Variants in PI15 observed in about 807,000 individuals in gnomAD.
The protein encoded by PI15 is 25 kDa trypsin inhibitor.
In PI15, 18 loss-of-function variants were observed where a neutral mutation model predicts 31.0. The observed-to-expected ratio is 0.58, with a 90% confidence interval of 0.40 to 0.86. PI15 has a LOEUF of 0.86. Ranked by LOEUF, PI15 falls within the 40% of genes least tolerant of loss-of-function variation. The pLI is 0.00. For missense variants in PI15, 282 were observed against 328.1 expected (o/e 0.86, Z 1.09); for synonymous variants, 118 against 119.1 (o/e 0.99, Z 0.06).
rs566967638 is a variant in PI15, at chr8:74,853,542, T to A, written c.*4289T>A. 4 of 152,620 alleles carry A rather than the reference T, an allele frequency of 2.6e-5. No individual in the cohort carries two copies. The highest frequency in any genetic ancestry group is 9.6e-5 in the African/African-American group (4 of 41,564). The allele number at this position is 152,620 out of a possible 1,614,324, so 9.5% of individuals were successfully genotyped here. On this transcript the variant is annotated 3_prime_UTR_variant, in exon 6 of 6. Transcript: ENST00000260113. ...GCAATGTCCAAAGTCAAATATCACC[T>A]AAACTGGTTAGATTACTTCTACAGC...
intron 2 of PI15, among the ~76,000 whole-genome samples, chr8:74,826,730 T>A (rs16938967): frequency 0.017 from 2,553 of 152,204 alleles, 65 homozygotes; most frequent in African/African-American, 0.059. Flanking sequence ...ATTACCACAC[T>A]GTTTCATTTT....
rs1327388580 is a variant in PI15, at chr8:74,853,909, A to G, written c.*4656A>G. On this transcript the variant is annotated 3_prime_UTR_variant, in exon 6 of 6. Coordinates refer to ENST00000260113, the MANE Select transcript of PI15 (RefSeq NM_015886.5). ...TTTAGTTAGCTTTATAAACACAATT[A>G]GAATTACAATTAATTAACAGAGGTA... The G allele has an allele frequency of 6.6e-6, 1 of 152,050 alleles. No individual in the cohort carries two copies. Among genetic ancestry groups the G allele is most frequent in the Non-Finnish European group, 1.5e-5 (1 of 67,926 alleles). The allele number at this position is 152,050 out of a possible 1,614,324, so 9.4% of individuals were successfully genotyped here.
intron 2 of PI15, among the ~76,000 whole-genome samples, chr8:74,827,969 C>T (rs1451343913): frequency 6.6e-6 from 1 of 152,116 alleles, no homozygotes; most frequent in Non-Finnish European, 1.5e-5. Flanking sequence ...CATGTAAATA[C>T]TGTGCATACA....
At chr8:74,830,504 G>T (rs1810766243) in intron 2 of PI15, among the ~76,000 whole-genome samples, 1 of 152,210 alleles carries the variant, frequency 6.6e-6, no homozygotes, top group East Asian at 1.9e-4. Flanking sequence ...ATGGAGAACA[G>T]ATTAATCCAT....
At chr8:74,828,437 T>G (rs541206937) in intron 2 of PI15, among the ~76,000 whole-genome samples, 3 of 152,228 alleles carry the variant, frequency 2.0e-5, no homozygotes, top group African/African-American at 7.2e-5. Context: ...AAATCCGTCA[T>G]GAAGACCCAG....
rs1327678006 is a variant in PI15 at position 74,850,407 on chromosome 8, AT to A, written c.*1155del. 6.6e-6 allele frequency: 1 copy of A among 152,204 alleles called. No individual in the cohort carries two copies. Among genetic ancestry groups the A allele is most frequent in the Non-Finnish European group, 1.5e-5 (1 of 68,046 alleles). 9.4% of individuals were successfully genotyped at this position (152,204 alleles called of 1,614,324 possible). On this transcript the variant is annotated 3_prime_UTR_variant, in exon 6 of 6. Transcript: ENST00000260113. The stretch of plus-strand genomic sequence containing the variant: ...CAGATGGAGAGCTTCAGAATGGGCT[AT>A]CCTTAGAGTCTAGTACATCTTGAGG...
At chr8:74,844,407 GC>G (rs1180722291) in intron 3 of PI15, among the ~76,000 whole-genome samples, 1 of 149,560 alleles carries the variant, frequency 6.7e-6, no homozygotes, top group Non-Finnish European at 1.5e-5. Flanking sequence ...TCAGGAAAAA[GC>G]CCCATGACTG....
intron 2 of PI15, among the ~76,000 whole-genome samples, chr8:74,827,931 A>G (rs1366760460): frequency 6.6e-6 from 1 of 152,142 alleles, no homozygotes; most frequent in Non-Finnish European, 1.5e-5. Flanking sequence ...AAGTGCTAGA[A>G]AGTAAAATAG....
Position 74,825,315 on chromosome 8 carries a change from C to A in PI15, c.66C>A (p.Val22=). 1.2e-6 allele frequency: 2 copies of A among 1,613,044 alleles called. No individual in the cohort carries two copies. The highest frequency in any genetic ancestry group is 1.7e-6 in the Non-Finnish European group (2 of 1,179,174). The change falls in exon 2 of 6, where the codon GTC becomes GTA. Residue 22 remains valine (V), a synonymous_variant. Transcript: ENST00000260113. ...LFSLLCEAST[V]VLLNSTDSSP... ...CCCTTCTCTGTGAAGCAAGTACCGTCGTCCTACTCAATTCCACTGACTCAT... is the reference window on the plus strand; with the variant it reads ...CCCTTCTCTGTGAAGCAAGTACCGTAGTCCTACTCAATTCCACTGACTCAT...
chr8:74,838,744 C>T (rs1027521213), intron 2 of PI15, among the ~76,000 whole-genome samples: 2 of 152,144 alleles, frequency 1.3e-5, no homozygotes, highest in Non-Finnish European at 2.9e-5. Flanking sequence ...AAGGATCTTA[C>T]CCAATTAAAG....
At chr8:74,825,185 C>A in intron 1 of PI15, 25 bp from the exon 2 acceptor site, 1 of 1,455,882 alleles carries the variant, frequency 6.9e-7, no homozygotes, top group South Asian at 1.2e-5. Context: ...TTCATAGACC[C>A]TAACTCTACC....
intron 2 of PI15, among the ~76,000 whole-genome samples, chr8:74,826,669 C>G (rs1272887431): frequency 1.3e-5 from 2 of 152,040 alleles, no homozygotes; most frequent in Non-Finnish European, 2.9e-5. Flanking sequence ...GCTATATAAT[C>G]TAAATGCTTG....
At chr8:74,839,681 G>C (rs1318910086) in intron 2 of PI15, among the ~76,000 whole-genome samples, 1 of 152,104 alleles carries the variant, frequency 6.6e-6, no homozygotes, top group African/African-American at 2.4e-5. Context: ...TGTTGAATAT[G>C]GTTTAATAAG....
At chr8:74,838,934 C>T (rs1429530634) in intron 2 of PI15, among the ~76,000 whole-genome samples, 2 of 152,156 alleles carry the variant, frequency 1.3e-5, no homozygotes, top group East Asian at 3.9e-4. Flanking sequence ...GATCCCAAAA[C>T]TTAGAAAGAC....
Position 74,844,069 on chromosome 8 carries a change from T to G in PI15, c.362T>G (p.Leu121Trp), listed in dbSNP as rs1810985502. ...GGACCTTCTTACTTACTGAGATTTTTGGGCCAAAATCTATCTGTACGCACT... is the reference window on the plus strand; with the variant it reads ...GGACCTTCTTACTTACTGAGATTTTGGGGCCAAAATCTATCTGTACGCACT... The part of the protein sequence containing the change: ...DHGPSYLLRF[L>W]GQNLSVRTGR... Residue 121 changes from leucine to tryptophan, a missense_variant, in exon 3 of 6, where the codon TTG becomes TGG. By Grantham distance (61) the Leu-to-Trp change is moderately conservative (BLOSUM62 -2). Coordinates refer to ENST00000260113, the MANE Select transcript of PI15 (RefSeq NM_015886.5). 7 of 1,575,088 alleles carry G rather than the reference T, an allele frequency of 4.4e-6. No individual in the cohort carries two copies. The highest frequency in any genetic ancestry group is 1.7e-5 in the Admixed American group (1 of 59,952).
At chr8:74,841,830 A>T (rs976454546) in intron 2 of PI15, among the ~76,000 whole-genome samples, 6 of 152,178 alleles carry the variant, frequency 3.9e-5, no homozygotes, top group African/African-American at 9.6e-5. Flanking sequence ...TTTAAAGTTC[A>T]TTTCATCCCC....
In PI15 at chr8:74,825,425, A is replaced by C. The variant is rs1166278998; in HGVS notation, c.176A>C (p.Lys59Thr). The C allele has an allele frequency of 6.2e-7, 1 of 1,613,114 alleles. No individual in the cohort carries two copies. The highest frequency in any genetic ancestry group is 8.5e-7 in the Non-Finnish European group (1 of 1,179,256). ...GCGGATATCCCCAAAGCCAGGCGGAAGCGCTACATTTCGCAGAATGACATG... is the reference window on the plus strand; with the variant it reads ...GCGGATATCCCCAAAGCCAGGCGGACGCGCTACATTTCGCAGAATGACATG... The part of the protein sequence containing the change: ...DSADIPKARR[K>T]RYISQNDMIA... The change falls in exon 2 of 6, where the codon AAG (lysine) becomes ACG (threonine). Residue 59 changes from lysine (K) to threonine (T), a missense_variant. Lys to Thr is a moderately conservative substitution (Grantham distance 78, BLOSUM62 -1). Transcript: ENST00000260113.
rs1811004227 is a variant in PI15, at chr8:74,845,041, A to T, written c.393-87A>T. 3.4e-6 allele frequency: 4 copies of T among 1,168,478 alleles called. No homozygotes were observed. In the South Asian group the frequency reaches 5.2e-5, roughly 15 times the overall value. The allele number at this position is 1,168,478 out of a possible 1,614,324, so 72.4% of individuals were successfully genotyped here. A position where few individuals can be genotyped will look rare whatever the true frequency, so the allele number is the denominator to read the frequency against. On this transcript the variant is annotated intron_variant, in intron 3 of 5. Transcript: ENST00000260113. ...CTTGGATCATCATGAATAATCTGCAAAAAGAACAATCAATTTACAGTGTAA... is the reference window on the plus strand; with the variant it reads ...CTTGGATCATCATGAATAATCTGCATAAAGAACAATCAATTTACAGTGTAA...
At position 74,843,877 on chromosome 8, in the gene PI15, CAGACAAACAATAACTCT is replaced by C. The variant is rs1810981720; in HGVS notation, c.274-101_274-85del. 3 of 742,658 alleles carry C rather than the reference CAGACAAACAATAACTCT, an allele frequency of 4.0e-6. No homozygotes were observed. The Admixed American group carries it at 5.9e-5, about 15-fold the overall frequency. The allele number at this position is 742,658 out of a possible 1,614,324, so 46.0% of individuals were successfully genotyped here. On this transcript the variant is annotated intron_variant, in intron 2 of 5. Coordinates refer to ENST00000260113, the MANE Select transcript of PI15 (RefSeq NM_015886.5). Reference sequence around the variant, plus strand: ...AAAAACAAAAACAAAAACAAACAAACAGACAAACAATAACTCTAGGAAATAGTAGCACCATTTATTTT... The same window carrying C: ...AAAAACAAAAACAAAAACAAACAAACAGGAAATAGTAGCACCATTTATTTT...
Sources: gnomAD v4.1 joint callset for allele counts (sites outside exome capture counted in the v4.1 genomes callset) on GRCh38, gnomAD v4.1.1 for gene constraint, MANE v1.5 for transcripts, NCBI Gene and HGNC (gene_info 2026-07-23, HGNC 2026-07-21) for gene names.